ARCN1: variants seen among roughly 807,000 people sequenced by gnomAD.
ARCN1 encodes the protein archain 1 coat protein complex I subunit delta.
A neutral mutation model predicts 60.4 loss-of-function variants in ARCN1; 5 were observed. The ratio of observed to expected loss-of-function variants is 0.08; its 90% CI spans 0.04 to 0.17. ARCN1 has a LOEUF of 0.17. ARCN1 is among the 10% of genes least tolerant of loss of function. ARCN1 has a pLI of 1.00. For missense variants in ARCN1, 464 were observed against 626.5 expected, an observed-to-expected ratio of 0.74 and a Z score of 2.77; for synonymous variants, 224 against 220.0, an observed-to-expected ratio of 1.02 and a Z score of -0.16.
chr11:118,588,877 G>T (rs970883205), intron 5 of ARCN1, among the ~76,000 whole-genome samples: 11 of 152,118 alleles, frequency 7.2e-5, no homozygotes, highest in African/African-American at 1.9e-4. Flanking sequence ...AATGAACCGG[G>T]CGTGGTGGCA....
At chr11:118,598,332 C>CA (rs565623692) in intron 9 of ARCN1, among the ~76,000 whole-genome samples, 78 of 145,822 alleles carry the variant, frequency 5.3e-4, no homozygotes, top group Non-Finnish European at 6.8e-4. Flanking sequence ...AAAATTACTA[C>CA]AAAAAAAAAA....
intron 6 of ARCN1, 89 bp from the exon 7 acceptor site, chr11:118,592,620 A>G: frequency 1.1e-6 from 1 of 947,692 alleles, no homozygotes; most frequent in Non-Finnish European, 1.5e-6. Context: ...TCTATTTTGG[A>G]TGTTTAGATT....
In ARCN1 at chr11:118,572,508, T is replaced by C; in HGVS notation, c.-40T>C. 1.9e-6 allele frequency: 3 copies of C among 1,610,498 alleles called. No homozygotes were observed. Among genetic ancestry groups the C allele is most frequent in the Non-Finnish European group, 2.5e-6 (3 of 1,178,574 alleles). ...CCCCAGACCCTACCCCTATCCCCAG[T>C]GGAGCCGGAGTGCGGGCGCGCCCCA... On this transcript the variant is annotated 5_prime_UTR_variant, in exon 1 of 10. Coordinates refer to ENST00000264028, the MANE Select transcript of ARCN1 (RefSeq NM_001655.5).
chr11:118,587,294 A>G (rs1938800390), intron 5 of ARCN1, among the ~76,000 whole-genome samples: 1 of 152,216 alleles, frequency 6.6e-6, no homozygotes, highest in African/African-American at 2.4e-5. Flanking sequence ...TTTGGAGACA[A>G]CTAGTATTAA....
intron 5 of ARCN1, among the ~76,000 whole-genome samples, chr11:118,588,264 A>T (rs1261928289): frequency 6.6e-6 from 1 of 152,202 alleles, no homozygotes; most frequent in African/African-American, 2.4e-5. Flanking sequence ...TCTGTGCAGC[A>T]TTAATCTTCC....
intron 1 of ARCN1, 54 bp from the exon 2 acceptor site, chr11:118,581,192 G>A: frequency 1.3e-6 from 2 of 1,595,980 alleles, no homozygotes; most frequent in Non-Finnish European, 1.7e-6. Context: ...GAGATGCTGA[G>A]AAAACAGATG....
At chr11:118,581,927 CAG>C (rs1165654454) in intron 2 of ARCN1, among the ~76,000 whole-genome samples, 1 of 139,700 alleles carries the variant, frequency 7.2e-6, no homozygotes, top group South Asian at 2.4e-4. Flanking sequence ...CAGAGACAGA[CAG>C]ACAGACAGAC....
At chr11:118,589,084 GTGAT>G in intron 5 of ARCN1, among the ~76,000 whole-genome samples, 1 of 152,298 alleles carries the variant, frequency 6.6e-6, no homozygotes, top group South Asian at 2.1e-4. Flanking sequence ...TAATGGTACT[GTGAT>G]TGATTATGTA....
intron 2 of ARCN1, among the ~76,000 whole-genome samples, chr11:118,582,425 C>T (rs997545095): frequency 6.6e-6 from 1 of 151,960 alleles, no homozygotes; most frequent in Non-Finnish European, 1.5e-5. Context: ...CCGCTGCACC[C>T]GGCTGTAAGA....
intron 2 of ARCN1, among the ~76,000 whole-genome samples, 163 bp from the exon 3 acceptor site, chr11:118,583,016 G>A (rs1938695082): frequency 6.6e-6 from 1 of 152,166 alleles, no homozygotes; most frequent in African/African-American, 2.4e-5. Flanking sequence ...ACTCCAGCGT[G>A]GGCAGCAGAG....
At chr11:118,590,978 G>C (rs1012353201) in intron 6 of ARCN1, among the ~76,000 whole-genome samples, 2 of 152,196 alleles carry the variant, frequency 1.3e-5, no homozygotes. Flanking sequence ...TGAGGGCTGA[G>C]CAACAAGACC....
intron 1 of ARCN1, among the ~76,000 whole-genome samples, chr11:118,577,618 G>A (rs181285139): frequency 1.1e-4 from 16 of 152,010 alleles, no homozygotes; most frequent in Non-Finnish European, 1.8e-4. Flanking sequence ...GAATTTCCAC[G>A]CACTTTATCG....
intron 1 of ARCN1, among the ~76,000 whole-genome samples, 163 bp from the exon 2 acceptor site, chr11:118,581,083 G>T (rs1938638797): frequency 6.6e-6 from 1 of 152,142 alleles, no homozygotes; most frequent in African/African-American, 2.4e-5. Flanking sequence ...TCTTGCCATT[G>T]CACTCCGGCA....
At chr11:118,591,187 G>A (rs1938900127) in intron 6 of ARCN1, among the ~76,000 whole-genome samples, 2 of 152,192 alleles carry the variant, frequency 1.3e-5, no homozygotes, top group African/African-American at 4.8e-5. Flanking sequence ...TATAAGCCCT[G>A]CTTTATGTTA....
intron 1 of ARCN1, among the ~76,000 whole-genome samples, chr11:118,576,101 T>C (rs556622740): frequency 7.9e-4 from 121 of 152,234 alleles, no homozygotes; most frequent in Middle Eastern, 3.4e-3. Flanking sequence ...ATCAATTAAG[T>C]GACTTATCCA....
intron 8 of ARCN1, 145 bp from the exon 9 acceptor site, chr11:118,597,562 C>A: frequency 1.6e-6 from 1 of 610,754 alleles, no homozygotes; most frequent in Admixed American, 4.3e-5. Context: ...TCGTTTGATC[C>A]TTGAAGTTAT....
rs1555078047 is a variant in ARCN1, at chr11:118,601,106, A to C, written c.*392A>C. 1.3e-5 allele frequency: 2 copies of C among 152,652 alleles called. No individual in the cohort carries two copies. 9.5% of individuals were successfully genotyped at this position (152,652 alleles called of 1,614,324 possible). Reference sequence around the variant, plus strand: ...GAGATGGAGTCTCACTTTGTAACCCAGGCTGGAATGCAATGGCATGATCTC... The same window carrying C: ...GAGATGGAGTCTCACTTTGTAACCCCGGCTGGAATGCAATGGCATGATCTC... On this transcript the variant is annotated 3_prime_UTR_variant, in exon 10 of 10. Coordinates refer to ENST00000264028, the MANE Select transcript of ARCN1 (RefSeq NM_001655.5).
chr11:118,597,068 G>A (rs564855091), intron 8 of ARCN1, among the ~76,000 whole-genome samples: 3 of 152,304 alleles, frequency 2.0e-5, no homozygotes, highest in Non-Finnish European at 2.9e-5. Flanking sequence ...TTAGCTGGGC[G>A]TGGCGGCACA....
intron 8 of ARCN1, among the ~76,000 whole-genome samples, chr11:118,594,683 G>A (rs1371062704): frequency 6.6e-6 from 1 of 152,152 alleles, no homozygotes; most frequent in Non-Finnish European, 1.5e-5. Flanking sequence ...CCGAGTAACT[G>A]GGGTTACAGG....
Sources: gnomAD v4.1 joint callset for allele counts (sites outside exome capture counted in the v4.1 genomes callset) on GRCh38, gnomAD v4.1.1 for gene constraint, MANE v1.5 for transcripts, NCBI Gene and HGNC (gene_info 2026-07-23, HGNC 2026-07-21) for gene names.